AAK1: variants seen among roughly 807,000 people sequenced by gnomAD.
AAK1 encodes the protein AP2 associated kinase 1.
A neutral mutation model predicts 116.0 loss-of-function variants in AAK1; 37 were observed. That is an observed-to-expected ratio of 0.32 (90% CI 0.25 to 0.42). The LOEUF (loss-of-function observed/expected upper bound fraction) is 0.42, where lower values mean the gene tolerates loss of function less well. Ranked by LOEUF, AAK1 falls within the 10% of genes least tolerant of loss-of-function variation. The probability of loss-of-function intolerance (pLI) is 1.00; values close to 1 mark genes in which losing one functional copy is unlikely to be tolerated. For missense variants in AAK1, 919 were observed against 1,170.6 expected, an observed-to-expected ratio of 0.79 and a Z score of 3.14; for synonymous variants, 458 against 439.9, an observed-to-expected ratio of 1.04 and a Z score of -0.51.
chr2:69,513,693 G>A (rs932053932), intron 13 of AAK1, among the ~76,000 whole-genome samples: 1 of 152,208 alleles, frequency 6.6e-6, no homozygotes, highest in African/African-American at 2.4e-5. Flanking sequence ...CAGGGTAGCT[G>A]TGACACTCTA....
rs58486434 is a variant in AAK1, at chr2:69,574,377, C to CAAA, written c.164-17402_164-17400dup. 1.0e-3 allele frequency among the ~76,000 whole-genome samples: 78 copies of CAAA among 74,864 alleles called. 1 individual carries two copies. The highest frequency in any genetic ancestry group is 3.6e-3 in the East Asian group (10 of 2,744). The allele number at this position is 74,864 out of a possible 152,430, so 49.1% of individuals were successfully genotyped here. ...TAGGTGACAGAGTAAGACTCCCTCT[C>CAAA]AAAAAAAAAAAAAAAAAAAAAAGAG... On this transcript the variant is annotated intron_variant, in intron 2 of 21. Transcript: ENST00000409085.
Position 69,471,248 on chromosome 2 carries a change from T to C in AAK1, c.*4621A>G. ...CAACTACCACCATTTGGTAACTTCT[T>C]TGCATAGGTTAGCATTACCCAAGGA... On this transcript the variant is annotated 3_prime_UTR_variant, in exon 22 of 22. Coordinates refer to ENST00000409085, the MANE Select transcript of AAK1 (RefSeq NM_014911.5). The C allele has an allele frequency of 5.1e-6, 5 of 985,424 alleles. No homozygotes were observed. The highest frequency in any genetic ancestry group is 6.0e-6 in the Non-Finnish European group (5 of 829,926). 61.0% of individuals were successfully genotyped at this position (985,424 alleles called of 1,614,324 possible). A position where few individuals can be genotyped will look rare whatever the true frequency, so the allele number is the denominator to read the frequency against.
Position 69,458,175 on chromosome 2 carries a change from CCTT to C in AAK1, c.*17691_*17693del, listed in dbSNP as rs750585001. The C allele has an allele frequency of 6.6e-6, 1 of 152,038 alleles. No homozygotes were observed. Among genetic ancestry groups the C allele is most frequent in the Non-Finnish European group, 1.5e-5 (1 of 68,012 alleles). 9.4% of individuals were successfully genotyped at this position (152,038 alleles called of 1,614,324 possible). On this transcript the variant is annotated 3_prime_UTR_variant, in exon 22 of 22. Transcript: ENST00000409085. ...GATTGACTTTCATGTTTCCCCCCCT[CCTT>C]TCTCTTGTTCACAGCCCGAGATTAT...
chr2:69,528,012 T>A lies in AAK1; in HGVS notation c.872-693A>T, dbSNP rs142402618. On this transcript the variant is annotated intron_variant, in intron 8 of 21. Transcript: ENST00000409085. The stretch of plus-strand genomic sequence containing the variant: ...CTCTGGACACTAAGTTCCAAAAAGA[T>A]CAGTGAGGGTGCAGCCTTGTGACTG... Among the ~76,000 whole-genome samples, 22 of 152,276 alleles carry A rather than the reference T, an allele frequency of 1.4e-4. No individual in the cohort carries two copies. In the East Asian group the frequency reaches 2.9e-3, roughly 20 times the overall value.
chr2:69,604,385 C>G (rs1364972452), intron 2 of AAK1, among the ~76,000 whole-genome samples: 1 of 152,182 alleles, frequency 6.6e-6, no homozygotes, highest in Non-Finnish European at 1.5e-5. Context: ...TCTGCAGAGG[C>G]TGAGCAGCCA....
intron 12 of AAK1, among the ~76,000 whole-genome samples, chr2:69,514,979 T>A (rs1265363715): frequency 6.6e-6 from 1 of 152,208 alleles, no homozygotes; most frequent in Non-Finnish European, 1.5e-5. Flanking sequence ...GGCTGCCTCC[T>A]GCACTACAGA....
intron 17 of AAK1, among the ~76,000 whole-genome samples, chr2:69,489,205 C>A (rs909077448): frequency 1.3e-4 from 19 of 151,618 alleles, no homozygotes; most frequent in South Asian, 8.3e-4. Flanking sequence ...AATCCCAGCA[C>A]TTTGGGAAGC....
In AAK1 at chr2:69,474,721, G is replaced by T; in HGVS notation, c.*1148C>A. On this transcript the variant is annotated 3_prime_UTR_variant, in exon 22 of 22. Transcript: ENST00000409085. ...TGCTTATTCTAGAGACAGAGGACCT[G>T]CTGAAAGCTTATAGCACACAAGTCT... 1.0e-6 allele frequency: 1 copy of T among 985,764 alleles called. No individual in the cohort carries two copies. Among genetic ancestry groups the T allele is most frequent in the Non-Finnish European group, 1.2e-6 (1 of 829,908 alleles). The allele number at this position is 985,764 out of a possible 1,614,324, so 61.1% of individuals were successfully genotyped here.
In AAK1 at chr2:69,468,833, C is replaced by A; in HGVS notation, c.*7036G>T. The A allele has an allele frequency of 1.0e-6, 1 of 985,396 alleles. No individual in the cohort carries two copies. The highest frequency in any genetic ancestry group is 1.2e-6 in the Non-Finnish European group (1 of 829,942). The allele number at this position is 985,396 out of a possible 1,614,324, so 61.0% of individuals were successfully genotyped here. A position where few individuals can be genotyped will look rare whatever the true frequency, so the allele number is the denominator to read the frequency against. ...AGAGGATGGAAGAACATGTCTAACC[C>A]ATCAAAATTATTTGTTAAAAAGTGG... On this transcript the variant is annotated 3_prime_UTR_variant, in exon 22 of 22. Transcript: ENST00000409085.
intron 2 of AAK1, among the ~76,000 whole-genome samples, chr2:69,559,247 C>CTA (rs1671523793): frequency 1.4e-5 from 2 of 138,238 alleles, no homozygotes; most frequent in South Asian, 4.5e-4. Flanking sequence ...GAGGTCTTAT[C>CTA]TATCTCTCTC....
chr2:69,579,277 C>T (rs1333648295), intron 2 of AAK1, among the ~76,000 whole-genome samples: 4 of 152,240 alleles, frequency 2.6e-5, no homozygotes, highest in African/African-American at 9.6e-5. Flanking sequence ...TCACTGGTGA[C>T]ATTCTTGAAT....
At chr2:69,587,420 T>C (rs28450519) in intron 2 of AAK1, among the ~76,000 whole-genome samples, 2 of 151,250 alleles carry the variant, frequency 1.3e-5, no homozygotes, top group African/African-American at 4.9e-5. Flanking sequence ...TGTGTATATA[T>C]ACACATATAT....
At chr2:69,619,977 C>T (rs1180028138) in intron 2 of AAK1, among the ~76,000 whole-genome samples, 1 of 152,176 alleles carries the variant, frequency 6.6e-6, no homozygotes, top group Non-Finnish European at 1.5e-5. Flanking sequence ...AATCACTGGA[C>T]GCTTCTGAGC....
chr2:69,478,861 A>G (rs1674969832), intron 20 of AAK1, 90 bp downstream of exon 20: 8 of 1,076,436 alleles, frequency 7.4e-6, no homozygotes, highest in Admixed American at 1.9e-5. Context: ...CTTCACTAGT[A>G]AAGACTTTTG....
In AAK1 at chr2:69,520,834, C is replaced by T; in HGVS notation, c.1210G>A (p.Gly404Arg). Residue 404 changes from glycine (G) to arginine (R), a missense_variant and splice_region_variant, in exon 11 of 22, where the codon GGA (glycine) becomes AGA (arginine). Physicochemically the swap from Gly to Arg is moderately radical, Grantham distance 125 (BLOSUM62 -2). This residue lies in a region of AAK1 where 214 missense variants were observed against 210.6 expected (regional missense o/e 1.02). Coordinates refer to ENST00000409085, the MANE Select transcript of AAK1 (RefSeq NM_014911.5). ...ATVQPPPQAAGSSNQPGLLAS... is the reference protein window; with the variant it reads ...ATVQPPPQAARSSNQPGLLAS... ...GTTTCAAACCAATCTAGATACAAACCTGCAGCCTGAGGTGGGGGCTGAACA... is the reference window on the plus strand; with the variant it reads ...GTTTCAAACCAATCTAGATACAAACTTGCAGCCTGAGGTGGGGGCTGAACA... 4 of 1,544,664 alleles carry T rather than the reference C, an allele frequency of 2.6e-6. No individual in the cohort carries two copies. Among genetic ancestry groups the T allele is most frequent in the Non-Finnish European group, 3.5e-6 (4 of 1,152,428 alleles).
intron 2 of AAK1, among the ~76,000 whole-genome samples, chr2:69,585,488 T>C (rs142169376): frequency 1.3e-5 from 2 of 152,332 alleles, no homozygotes; most frequent in Non-Finnish European, 2.9e-5. Context: ...ACAGTAGTTA[T>C]GTTGGCCCCT....
chr2:69,496,128 G>T, intron 16 of AAK1, 48 bp from the exon 17 acceptor site: 2 of 1,381,104 alleles, frequency 1.4e-6, no homozygotes, highest in Non-Finnish European at 2.0e-6. Context: ...GAAAAAAAGA[G>T]AAAAGCAATA....
At chr2:69,609,157 T>A (rs1673945408) in intron 2 of AAK1, among the ~76,000 whole-genome samples, 1 of 150,852 alleles carries the variant, frequency 6.6e-6, no homozygotes. Flanking sequence ...AGGTCAGGAG[T>A]TCAAGGCCAG....
chr2:69,466,672 A>C lies in AAK1; in HGVS notation c.*9197T>G. The C allele has an allele frequency of 9.2e-7, 1 of 1,088,480 alleles. No individual in the cohort carries two copies. 67.4% of individuals were successfully genotyped at this position (1,088,480 alleles called of 1,614,324 possible). A position where few individuals can be genotyped will look rare whatever the true frequency, so the allele number is the denominator to read the frequency against. On this transcript the variant is annotated 3_prime_UTR_variant, in exon 22 of 22. Coordinates refer to ENST00000409085, the MANE Select transcript of AAK1 (RefSeq NM_014911.5). ...AAATAATAGATGTTGAAAATGCAAC[A>C]GGAAAAACATAAAAATAAAAGTCAG...
Sources: gnomAD v4.1 joint callset for allele counts (sites outside exome capture counted in the v4.1 genomes callset) on GRCh38, gnomAD v4.1.1 for gene constraint, gnomAD v4.1.1 regional missense constraint, MANE v1.5 for transcripts, NCBI Gene and HGNC (gene_info 2026-07-23, HGNC 2026-07-21) for gene names.